The following AFG2A variants were observed in gnomAD, a reference collection of about 807,000 sequenced individuals.
AFG2A encodes the protein ATPase family gene 2 protein homolog A.
At chr4:123,127,607 A>G in the AFG2A span, among the ~76,000 whole-genome samples, 1 of 152,016 alleles carries the variant, frequency 6.6e-6, no homozygotes. Context: ...GAAATGCTTT[A>G]TTATTTGGTG....
At chr4:123,072,863 A>G in the AFG2A span, among the ~76,000 whole-genome samples, 11 of 152,276 alleles carry the variant, frequency 7.2e-5, no homozygotes, top group African/African-American at 2.4e-4. Flanking sequence ...ATTGTATTCT[A>G]TAGGTAAATT....
the AFG2A span, chr4:123,090,685 C>T: frequency 7.4e-6 from 12 of 1,613,814 alleles, no homozygotes; most frequent in Middle Eastern, 1.6e-4. Flanking sequence ...AGCTACTAAC[C>T]GTCCAGATAG....
the AFG2A span, among the ~76,000 whole-genome samples, chr4:123,115,670 G>T: frequency 6.6e-6 from 1 of 152,034 alleles, no homozygotes; most frequent in African/African-American, 2.4e-5. Context: ...GGTACCGTTC[G>T]CCTTGGAGTC....
chr4:123,018,798 T>A, the AFG2A span, among the ~76,000 whole-genome samples: 1 of 148,946 alleles, frequency 6.7e-6, no homozygotes, highest in Non-Finnish European at 1.5e-5. Context: ...CACGCCCAGC[T>A]AATTTTTTTT....
the AFG2A span, among the ~76,000 whole-genome samples, chr4:123,018,424 T>G: frequency 1.2e-3 from 177 of 152,294 alleles, no homozygotes; most frequent in African/African-American, 4.1e-3. Context: ...GGTTCTAGAA[T>G]TAAAAACAAT....
At chr4:123,225,583 T>A in the AFG2A span, among the ~76,000 whole-genome samples, 1 of 152,234 alleles carries the variant, frequency 6.6e-6, no homozygotes, top group African/African-American at 2.4e-5. Context: ...TCTGTTTTGA[T>A]ACCAGTACCA....
At chr4:123,001,238 A>G in the AFG2A span, among the ~76,000 whole-genome samples, 11 of 151,838 alleles carry the variant, frequency 7.2e-5, no homozygotes, top group African/African-American at 2.4e-4. Flanking sequence ...AATTTTGTTC[A>G]TCCTTCCAAA....
chr4:122,927,568 C>A, the AFG2A span: 1 of 1,504,528 alleles, frequency 6.6e-7, no homozygotes, highest in Non-Finnish European at 9.0e-7. Context: ...TTATTTACTG[C>A]AAAAGAAAGC....
the AFG2A span, among the ~76,000 whole-genome samples, chr4:123,305,997 G>C: frequency 1.3e-5 from 2 of 152,170 alleles, no homozygotes; most frequent in African/African-American, 2.4e-5. Context: ...CTCATCCCGC[G>C]GAGTTGCTTC....
the AFG2A span, among the ~76,000 whole-genome samples, chr4:123,113,832 A>G: frequency 6.6e-6 from 1 of 152,172 alleles, no homozygotes; most frequent in African/African-American, 2.4e-5. Context: ...TTATTGAGTT[A>G]GAAAAGCTCA....
chr4:123,163,096 T>C, the AFG2A span, among the ~76,000 whole-genome samples: 23 of 152,304 alleles, frequency 1.5e-4, no homozygotes, highest in East Asian at 5.8e-4. Context: ...TGTACATCCA[T>C]AGTAACGTGA....
chr4:123,304,040 C>T, the AFG2A span, among the ~76,000 whole-genome samples: 1 of 151,930 alleles, frequency 6.6e-6, no homozygotes, highest in Non-Finnish European at 1.5e-5. Context: ...CTCTACTCAC[C>T]GCTTAAATGG....
At chr4:122,976,878 A>G in the AFG2A span, among the ~76,000 whole-genome samples, 1 of 152,212 alleles carries the variant, frequency 6.6e-6, no homozygotes, top group African/African-American at 2.4e-5. Flanking sequence ...TTATTTTGAT[A>G]AATCTTTTTG....
the AFG2A span, chr4:122,934,057 A>G: frequency 6.6e-7 from 1 of 1,508,510 alleles, no homozygotes. Context: ...CTGGTAAAAA[A>G]AATTATGCTA....
chr4:123,055,302 A>AG, the AFG2A span, among the ~76,000 whole-genome samples: 5 of 152,216 alleles, frequency 3.3e-5, no homozygotes, highest in East Asian at 7.7e-4. Context: ...CATATTTTTG[A>AG]GGATGTGAAA....
chr4:123,088,953 T>TA, the AFG2A span, among the ~76,000 whole-genome samples: 1 of 152,204 alleles, frequency 6.6e-6, no homozygotes, highest in Non-Finnish European at 1.5e-5. Context: ...TGTTTATTCT[T>TA]ACGTAGAGTC....
At chr4:123,104,005 T>C in the AFG2A span, among the ~76,000 whole-genome samples, 1 of 152,156 alleles carries the variant, frequency 6.6e-6, no homozygotes, top group African/African-American at 2.4e-5. Context: ...TTTGGAATGA[T>C]GTAGATATTC....
the AFG2A span, among the ~76,000 whole-genome samples, chr4:123,294,752 T>C: frequency 0.034 from 5,242 of 152,244 alleles, 122 homozygotes; most frequent in African/African-American, 0.05. Flanking sequence ...TCACAGTTAT[T>C]TGCATAGGAG....
chr4:123,004,399 G>A, the AFG2A span, among the ~76,000 whole-genome samples: 23 of 152,324 alleles, frequency 1.5e-4, no homozygotes, highest in South Asian at 1.0e-3. Flanking sequence ...CATCTTCTGC[G>A]TTGCTCACGC....
Sources: allele counts gnomAD v4.1 joint callset (sites outside exome capture counted in the v4.1 genomes callset), GRCh38; gene constraint gnomAD v4.1.1; transcripts MANE v1.5; gene names NCBI Gene and HGNC (gene_info 2026-07-23, HGNC 2026-07-21).